MAPK14: variants seen among roughly 807,000 people sequenced by gnomAD.
The protein encoded by MAPK14 is CSAID-binding protein.
In MAPK14, 16 loss-of-function variants were observed where a neutral mutation model predicts 49.6. The observed-to-expected ratio is 0.32, with a 90% CI of 0.22 to 0.49. MAPK14 has a LOEUF of 0.49. Ranked by LOEUF, MAPK14 falls within the 20% of genes least tolerant of loss-of-function variation. The probability of loss-of-function intolerance (pLI) is 0.99; values close to 1 mark genes in which losing one functional copy is unlikely to be tolerated. For synonymous variants in MAPK14, 142 were observed against 158.0 expected (o/e 0.90, Z 0.76); for missense variants, 200 against 441.2 (o/e 0.45, Z 4.90).
chr6:36,103,770 A>C (rs1218256216), intron 10 of MAPK14, among the ~76,000 whole-genome samples: 1 of 152,216 alleles, frequency 6.6e-6, no homozygotes, highest in Non-Finnish European at 1.5e-5. Flanking sequence ...CAGAAGGATC[A>C]GACCAGGACC....
At chr6:36,108,327 G>A in intron 11 of MAPK14, 53 bp from the exon 12 acceptor site, 2 of 1,380,606 alleles carry the variant, frequency 1.4e-6, no homozygotes, top group Non-Finnish European at 2.1e-6. Flanking sequence ...GTGCTTGCCA[G>A]CAAAGAGAAT....
At chr6:36,048,216 A>G (rs1429148685) in intron 1 of MAPK14, among the ~76,000 whole-genome samples, 1 of 149,662 alleles carries the variant, frequency 6.7e-6, no homozygotes, top group African/African-American at 2.5e-5. Flanking sequence ...TAATTTTTAT[A>G]TTTTTTTAGT....
intron 8 of MAPK14, among the ~76,000 whole-genome samples, chr6:36,080,849 T>C (rs80033307): frequency 4.2e-5 from 6 of 143,886 alleles, no homozygotes. Context: ...AAACTTGTTC[T>C]TTTTTTTTTT....
At chr6:36,116,654 G>A in the MAPK14 span, among the ~76,000 whole-genome samples, 2 of 152,046 alleles carry the variant, frequency 1.3e-5, no homozygotes, top group African/African-American at 4.8e-5. Flanking sequence ...AGATTTCAGT[G>A]CACCCGCTGA....
At position 36,032,878 on chromosome 6, in the gene MAPK14, A is replaced by C. The variant is rs145609238; in HGVS notation, c.116+4605A>C. On this transcript the variant is annotated intron_variant, in intron 1 of 11. Coordinates refer to ENST00000229794, the MANE Select transcript of MAPK14 (RefSeq NM_139012.3). Reference sequence around the variant, plus strand: ...GATAGCAAAACTTGCTAAGAAATCAAATACAACTTCCTAAGTGCTTTGTGG... The same window carrying C: ...GATAGCAAAACTTGCTAAGAAATCACATACAACTTCCTAAGTGCTTTGTGG... 2.9e-3 allele frequency among the ~76,000 whole-genome samples: 443 copies of C among 152,372 alleles called. 4 individuals are homozygous for C. The highest frequency in any genetic ancestry group is 0.01 in the African/African-American group (417 of 41,594).
At chr6:36,114,362 A>G (rs1411750081), downstream of MAPK14, among the ~76,000 whole-genome samples, 3 of 152,328 alleles carry the variant, frequency 2.0e-5, no homozygotes, top group South Asian at 4.1e-4. Context: ...CATGCCTGTA[A>G]TCCCAGCACT....
chr6:36,080,744 A>G (rs1205998875), intron 8 of MAPK14, among the ~76,000 whole-genome samples: 1 of 152,074 alleles, frequency 6.6e-6, no homozygotes, highest in African/African-American at 2.4e-5. Context: ...TGGTAACTCT[A>G]TGTTTAACTT....
At chr6:36,102,965 G>A (rs975086867) in intron 10 of MAPK14, among the ~76,000 whole-genome samples, 3 of 152,180 alleles carry the variant, frequency 2.0e-5, no homozygotes, top group African/African-American at 7.2e-5. Context: ...GAAGAAAGCT[G>A]TAACTTGCTC....
chr6:36,122,710 C>T, the MAPK14 span, among the ~76,000 whole-genome samples: 1 of 152,160 alleles, frequency 6.6e-6, no homozygotes, highest in East Asian at 1.9e-4. Flanking sequence ...ATGAGCAGTC[C>T]TGAAGGACCA....
At position 36,108,620 on chromosome 6, in the gene MAPK14, T is replaced by C; in HGVS notation, c.*173T>C. On this transcript the variant is annotated 3_prime_UTR_variant, in exon 12 of 12. Coordinates refer to ENST00000229794, the MANE Select transcript of MAPK14 (RefSeq NM_139012.3). The stretch of plus-strand genomic sequence containing the variant: ...TGTGTGTGCATGTGTGTGTCTGTCT[T>C]TGTGGGAGGGTAAGACAATATGAAC... 2.4e-5 allele frequency: 15 copies of C among 626,274 alleles called. No individual in the cohort carries two copies. In the South Asian group the frequency reaches 2.5e-4, roughly 10 times the overall value. 38.8% of individuals were successfully genotyped at this position (626,274 alleles called of 1,614,324 possible). A position where few individuals can be genotyped will look rare whatever the true frequency, so the allele number is the denominator to read the frequency against.
chr6:36,124,166 T>G, the MAPK14 span, among the ~76,000 whole-genome samples: 2 of 115,642 alleles, frequency 1.7e-5, no homozygotes, highest in East Asian at 5.9e-4. Context: ...CTTCCTTCCT[T>G]CCTTCCTTCC....
At chr6:36,075,138 A>G (rs142671505) in intron 6 of MAPK14, among the ~76,000 whole-genome samples, 12,906 of 148,014 alleles carry the variant, frequency 0.087, 687 homozygotes, top group Middle Eastern at 0.12. Flanking sequence ...AGGCAGGAGA[A>G]TGGCGTGAAC....
chr6:36,084,092 T>C (rs1469880230), intron 8 of MAPK14, among the ~76,000 whole-genome samples: 3 of 152,104 alleles, frequency 2.0e-5, no homozygotes, highest in Non-Finnish European at 2.9e-5. Flanking sequence ...CCCAGCAAAC[T>C]GCAGCAGCCC....
At chr6:36,101,577 C>G (rs1242614170) in intron 9 of MAPK14, among the ~76,000 whole-genome samples, 2 of 152,048 alleles carry the variant, frequency 1.3e-5, no homozygotes, top group Non-Finnish European at 2.9e-5. Flanking sequence ...CCTCCACCTC[C>G]TGGGCTCAAG....
intron 3 of MAPK14, 63 bp downstream of exon 3, chr6:36,059,410 A>G (rs1462916769): frequency 1.7e-6 from 2 of 1,155,964 alleles, no homozygotes; most frequent in Non-Finnish European, 2.6e-6. Flanking sequence ...GCCCATTTCT[A>G]TTCCTGAACC....
chr6:36,045,500 T>C (rs1164186166), intron 1 of MAPK14, among the ~76,000 whole-genome samples: 2 of 152,078 alleles, frequency 1.3e-5, no homozygotes, highest in East Asian at 3.9e-4. Flanking sequence ...GAGGCCTACC[T>C]CTAATGGGTA....
At chr6:36,103,466 A>C (rs1765703762) in intron 10 of MAPK14, among the ~76,000 whole-genome samples, 1 of 152,000 alleles carries the variant, frequency 6.6e-6, no homozygotes, top group Non-Finnish European at 1.5e-5. Context: ...CAGCCTTCCA[A>C]ATAGCTAGGA....
At chr6:36,044,673 G>A (rs116149543) in intron 1 of MAPK14, among the ~76,000 whole-genome samples, 1,706 of 152,000 alleles carry the variant, frequency 0.011, 24 homozygotes, top group African/African-American at 0.038. Context: ...CCAGGAGTTC[G>A]AGACCAGCCT....
chr6:36,051,825 A>G (rs1277737855), intron 1 of MAPK14, among the ~76,000 whole-genome samples: 1 of 152,172 alleles, frequency 6.6e-6, no homozygotes, highest in African/African-American at 2.4e-5. Context: ...GAGACAAATA[A>G]ATGTAAAGGG....
Sources: allele counts gnomAD v4.1 joint callset (sites outside exome capture counted in the v4.1 genomes callset), GRCh38; gene constraint gnomAD v4.1.1; transcripts MANE v1.5; gene names NCBI Gene and HGNC (gene_info 2026-07-23, HGNC 2026-07-21).